Variants in PTPRN2 observed in about 807,000 individuals in gnomAD.
PTPRN2 encodes the protein receptor-type tyrosine-protein phosphatase N2.
PTPRN2 carries 74 observed loss-of-function variants against 118.8 expected under a neutral mutation model. The observed-to-expected ratio is 0.62, with a 90% confidence interval of 0.52 to 0.76. The LOEUF (loss-of-function observed/expected upper bound fraction) is 0.76. Among genes scored for constraint, PTPRN2 ranks in the 30% least tolerant of loss-of-function variants. The pLI is 0.00. For synonymous variants in PTPRN2, 641 were observed against 608.0 expected (o/e 1.05, Z -0.80); for missense variants, 1,481 against 1,394.4 (o/e 1.06, Z -0.99).
intron 12 of PTPRN2, among the ~76,000 whole-genome samples, chr7:157,701,334 G>A (rs866668038): frequency 2.6e-5 from 4 of 152,254 alleles, no homozygotes; most frequent in African/African-American, 9.6e-5. Context: ...TGAGCTCCGC[G>A]GGTCTCCGCC....
intron 12 of PTPRN2, among the ~76,000 whole-genome samples, chr7:157,782,610 C>T (rs537455650): frequency 6.6e-5 from 10 of 152,342 alleles, no homozygotes; most frequent in Admixed American, 5.2e-4. Context: ...AAAACTCATA[C>T]ATGTATAATA....
intron 14 of PTPRN2, among the ~76,000 whole-genome samples, chr7:157,635,729 T>G (rs1804272525): frequency 1.3e-5 from 2 of 152,218 alleles, no homozygotes; most frequent in Admixed American, 6.5e-5. Flanking sequence ...TTAGCTGTTT[T>G]CTCTGGCTAG....
rs1807968006 is a variant in PTPRN2, at chr7:158,351,870, A to C, written c.164-34938T>G. Among the ~76,000 whole-genome samples the C allele has an allele frequency of 2.6e-5, 3 of 115,616 alleles. 1 individual carries two copies. Among genetic ancestry groups the C allele is most frequent in the East Asian group, 2.9e-4 (1 of 3,458 alleles). The allele number at this position is 115,616 out of a possible 152,430, so 75.8% of individuals were successfully genotyped here. A position where few individuals can be genotyped will look rare whatever the true frequency, so the allele number is the denominator to read the frequency against. On this transcript the variant is annotated intron_variant, in intron 2 of 22. Transcript: ENST00000389418. ...CTTTCTGACCACCCACTCCCAGCCCAGCTCCCCTCCTGTCTGCTCGCCTCC... is the reference window on the plus strand; with the variant it reads ...CTTTCTGACCACCCACTCCCAGCCCCGCTCCCCTCCTGTCTGCTCGCCTCC...
At position 157,763,093 on chromosome 7, in the gene PTPRN2, T is replaced by C. The variant is rs1802244581; in HGVS notation, c.1789-80156A>G. ...GGCCGCCCACTCATGGTCACAGAGC[T>C]AACCATCAGAGCCCACGGCCGCCCA... On this transcript the variant is annotated intron_variant, in intron 12 of 22. Coordinates refer to ENST00000389418, the MANE Select transcript of PTPRN2 (RefSeq NM_002847.5). The surrounding 1 kb of genome is among the most constrained non-coding windows in gnomAD (Gnocchi z 4.9). 1.6e-5 allele frequency among the ~76,000 whole-genome samples: 2 copies of C among 127,728 alleles called. No homozygotes were observed. Among genetic ancestry groups the C allele is most frequent in the Admixed American group, 7.3e-5 (1 of 13,692 alleles). 83.8% of individuals were successfully genotyped at this position (127,728 alleles called of 152,430 possible).
At chr7:158,233,402 G>A (rs1829294565) in intron 3 of PTPRN2, among the ~76,000 whole-genome samples, 1 of 152,016 alleles carries the variant, frequency 6.6e-6, no homozygotes, top group Non-Finnish European at 1.5e-5. Flanking sequence ...CAACACTGAA[G>A]AAAACAATTG....
intron 2 of PTPRN2, among the ~76,000 whole-genome samples, chr7:158,441,068 AGTGATGG>A (rs1817057543): frequency 1.2e-5 from 1 of 85,810 alleles, no homozygotes; most frequent in Admixed American, 1.1e-4. Flanking sequence ...TGGGGGTGGT[AGTGATGG>A]TGGTGCTGGT....
chr7:157,806,732 C>T lies in PTPRN2; in HGVS notation c.1788+91941G>A, dbSNP rs117341402. Among the ~76,000 whole-genome samples the T allele has an allele frequency of 1.8e-3, 279 of 152,320 alleles. 3 individuals carry two copies. In the East Asian group the frequency reaches 0.029, roughly 16 times the overall value. On this transcript the variant is annotated intron_variant, in intron 12 of 22. Coordinates refer to ENST00000389418, the MANE Select transcript of PTPRN2 (RefSeq NM_002847.5). ...TTTCTGAGGAGGCCAGGATGATTTC[C>T]GTGGCCTGCCAGTTTCTCAGAGCTA... is the stretch of plus-strand genomic sequence containing the variant.
At chr7:158,407,133 CCTGCGTCCTGCGTCCT>C (rs1813523437) in intron 2 of PTPRN2, among the ~76,000 whole-genome samples, 2 of 144,608 alleles carry the variant, frequency 1.4e-5, no homozygotes. Context: ...GGTCCTGGGT[CCTGCGTCCTGCGTCCT>C]GGGTCCTGGG....
chr7:157,789,910 G>A (rs996512390), intron 12 of PTPRN2, among the ~76,000 whole-genome samples: 9 of 150,556 alleles, frequency 6.0e-5, no homozygotes, highest in Non-Finnish European at 1.3e-4. Flanking sequence ...GTGTGGTGCT[G>A]TGTGTGTGGT....
chr7:157,811,936 T>C (rs1017798817), intron 12 of PTPRN2, among the ~76,000 whole-genome samples: 5 of 152,126 alleles, frequency 3.3e-5, no homozygotes, highest in East Asian at 1.9e-4. Context: ...CGACAGGTGA[T>C]AGGGCGATGG....
At position 157,716,174 on chromosome 7, in the gene PTPRN2, AG is replaced by A. The variant is rs201011427; in HGVS notation, c.1789-33238del. On this transcript the variant is annotated intron_variant, in intron 12 of 22. Coordinates refer to ENST00000389418, the MANE Select transcript of PTPRN2 (RefSeq NM_002847.5). ...TGTGGGCATCGCCTTGGGCTGAAAAAGGGGGCTGTGAGGAACTCATACACCT... is the reference window on the plus strand; with the variant it reads ...TGTGGGCATCGCCTTGGGCTGAAAAAGGGGCTGTGAGGAACTCATACACCT... 5.6e-3 allele frequency among the ~76,000 whole-genome samples: 814 copies of A among 145,432 alleles called. 8 individuals are homozygous for A. Among genetic ancestry groups the A allele is most frequent in the African/African-American group, 0.021 (747 of 35,656 alleles).
At chr7:157,900,003 G>A (rs561989957) in intron 11 of PTPRN2, among the ~76,000 whole-genome samples, 1 of 152,316 alleles carries the variant, frequency 6.6e-6, no homozygotes, top group South Asian at 2.1e-4. Flanking sequence ...CTTCTCTCAG[G>A]AGGGTAATAG....
chr7:158,113,049 G>A (rs898584234), intron 9 of PTPRN2, among the ~76,000 whole-genome samples: 2 of 151,496 alleles, frequency 1.3e-5, no homozygotes, highest in Non-Finnish European at 2.9e-5. Flanking sequence ...CCAGCATTGA[G>A]GGCCCCCCAA....
chr7:158,433,339 GAT>G (rs1169823047), intron 2 of PTPRN2, among the ~76,000 whole-genome samples: 1 of 152,202 alleles, frequency 6.6e-6, no homozygotes, highest in Non-Finnish European at 1.5e-5. Context: ...ATAAAAGACA[GAT>G]ATATTCAGCT....
intron 12 of PTPRN2, among the ~76,000 whole-genome samples, chr7:157,693,897 G>A (rs1009497940): frequency 6.6e-6 from 1 of 152,224 alleles, no homozygotes; most frequent in Admixed American, 6.5e-5. Flanking sequence ...GCCGTGTCCA[G>A]CCCCTCAGTC....
intron 11 of PTPRN2, among the ~76,000 whole-genome samples, chr7:158,071,169 TGCTCTTAGTATGGAGG>T (rs1811437568): frequency 8.5e-5 from 1 of 11,770 alleles, no homozygotes; most frequent in Admixed American, 1.4e-3. Flanking sequence ...GTGGTGGAGG[TGCTCTTAGTATGGAGG>T]TGCTCATGGT....
chr7:157,942,151 G>A (rs10248713), intron 11 of PTPRN2, among the ~76,000 whole-genome samples: 509 of 32,928 alleles, frequency 0.015, 8 homozygotes, highest in African/African-American at 0.07. Context: ...AGGGGTCCTC[G>A]GCCCACCCTC....
At chr7:157,718,066 T>C (rs1404035224) in intron 12 of PTPRN2, among the ~76,000 whole-genome samples, 1 of 152,210 alleles carries the variant, frequency 6.6e-6, no homozygotes, top group Non-Finnish European at 1.5e-5. Flanking sequence ...AGTGGTGAGG[T>C]CTCTCTTTTA....
chr7:157,573,404 G>T (rs897569490), intron 19 of PTPRN2, among the ~76,000 whole-genome samples: 5 of 152,236 alleles, frequency 3.3e-5, no homozygotes, highest in African/African-American at 1.2e-4. Flanking sequence ...TGCTCCTCCA[G>T]CTTCCTGCTG....
Sources: allele counts gnomAD v4.1 joint callset (sites outside exome capture counted in the v4.1 genomes callset), GRCh38; gene constraint gnomAD v4.1.1; non-coding constraint Gnocchi (gnomAD v3.1); transcripts MANE v1.5; gene names NCBI Gene and HGNC (gene_info 2026-07-23, HGNC 2026-07-21).